SV2C: variants seen among roughly 807,000 people sequenced by gnomAD.
SV2C encodes solute carrier family 22 member B3.
In SV2C, 49 loss-of-function variants were observed where a neutral mutation model predicts 79.7. The observed-to-expected ratio is 0.61, with a 90% CI of 0.49 to 0.78. The LOEUF is 0.78. Ranked by LOEUF, SV2C falls within the 30% of genes least tolerant of loss-of-function variation. The pLI, the probability that SV2C is intolerant of heterozygous loss-of-function variation, is 0.00. For synonymous variants in SV2C, 334 were observed against 333.2 expected (o/e 1.00, Z -0.03); for missense variants, 833 against 912.9 (o/e 0.91, Z 1.13).
At chr5:75,938,241 T>G in the SV2C span, among the ~76,000 whole-genome samples, 4 of 152,350 alleles carry the variant, frequency 2.6e-5, no homozygotes, top group East Asian at 7.7e-4. Flanking sequence ...GTTATCTAAC[T>G]ACACTGTGGT....
chr5:76,075,663 C>T, the SV2C span: 2 of 311,144 alleles, frequency 6.4e-6, no homozygotes, highest in Admixed American at 4.0e-5. Context: ...TGGATGCAAC[C>T]TTGAATTAAC....
At chr5:75,882,071 A>G in the SV2C span, among the ~76,000 whole-genome samples, 1 of 144,650 alleles carries the variant, frequency 6.9e-6, no homozygotes, top group South Asian at 2.2e-4. Flanking sequence ...GGTTTTTGTC[A>G]TTGGTTCTGT....
the SV2C span, among the ~76,000 whole-genome samples, chr5:76,003,343 T>C: frequency 1.3e-5 from 2 of 152,100 alleles, no homozygotes; most frequent in Admixed American, 6.6e-5. Flanking sequence ...ATTTAATATA[T>C]TGTTTACATA....
At chr5:75,867,955 G>A in the SV2C span, among the ~76,000 whole-genome samples, 1 of 152,218 alleles carries the variant, frequency 6.6e-6, no homozygotes, top group Non-Finnish European at 1.5e-5. Context: ...TCTCAAGGGG[G>A]TGCATAGTCT....
intron 4 of SV2C, among the ~76,000 whole-genome samples, chr5:76,210,445 G>A (rs1348393458): frequency 1.3e-5 from 2 of 152,178 alleles, no homozygotes; most frequent in Non-Finnish European, 2.9e-5. Context: ...CCAGTTTATG[G>A]CAAAGGATAT....
At chr5:75,955,237 A>G in the SV2C span, among the ~76,000 whole-genome samples, 144,957 of 145,330 alleles carry the variant, frequency 1, 72,292 homozygotes, top group South Asian at 1. Context: ...CAGAAATAAC[A>G]CCGCATATCT....
At chr5:75,972,143 A>AT in the SV2C span, among the ~76,000 whole-genome samples, 1 of 152,150 alleles carries the variant, frequency 6.6e-6, no homozygotes, top group East Asian at 1.9e-4. Flanking sequence ...CTGAAACTGG[A>AT]TCCCTTCCTT....
chr5:76,304,178 C>T (rs749108307), intron 12 of SV2C, among the ~76,000 whole-genome samples: 6 of 152,206 alleles, frequency 3.9e-5, no homozygotes, highest in African/African-American at 7.2e-5. Flanking sequence ...TGCTGGCAGA[C>T]GCTCTCCAGC....
At chr5:76,253,593 C>T (rs6891813) in intron 4 of SV2C, among the ~76,000 whole-genome samples, 126,690 of 151,870 alleles carry the variant, frequency 0.83, 53,290 homozygotes, top group African/African-American at 0.94. Context: ...TCAGAATTCT[C>T]TGGGATTAGA....
intron 4 of SV2C, among the ~76,000 whole-genome samples, chr5:76,284,415 A>G (rs1747284499): frequency 6.6e-6 from 1 of 152,218 alleles, no homozygotes; most frequent in Non-Finnish European, 1.5e-5. Flanking sequence ...TCAGGGTGCC[A>G]GCAGGAAGCT....
intron 12 of SV2C, among the ~76,000 whole-genome samples, chr5:76,313,560 G>A (rs1748527877): frequency 6.6e-6 from 1 of 152,186 alleles, no homozygotes; most frequent in South Asian, 2.1e-4. Context: ...GAGCTCCAAG[G>A]AAGTCCATCT....
chr5:76,004,978 C>G, the SV2C span, among the ~76,000 whole-genome samples: 2 of 152,158 alleles, frequency 1.3e-5, no homozygotes, highest in South Asian at 2.1e-4. Context: ...TGAGCACGAC[C>G]TAAATCTCAT....
chr5:76,183,683 CCA>C (rs1439379103), intron 2 of SV2C, among the ~76,000 whole-genome samples: 1 of 152,140 alleles, frequency 6.6e-6, no homozygotes, highest in Non-Finnish European at 1.5e-5. Context: ...CCACTCTCCC[CCA>C]ACCCATGAAT....
chr5:76,306,590 C>T (rs918101558), intron 12 of SV2C, among the ~76,000 whole-genome samples: 30 of 152,134 alleles, frequency 2.0e-4, no homozygotes, highest in Non-Finnish European at 2.9e-5. Context: ...ATAAGCATGA[C>T]CTCAAAACCA....
intron 4 of SV2C, among the ~76,000 whole-genome samples, chr5:76,223,464 T>TAC (rs1241266753): frequency 1.8e-5 from 1 of 55,540 alleles, no homozygotes; most frequent in Non-Finnish European, 3.0e-5. Context: ...TATATATATA[T>TAC]ATATATATAT....
chr5:75,882,473 G>A, the SV2C span, among the ~76,000 whole-genome samples: 17,441 of 149,668 alleles, frequency 0.12, 1,136 homozygotes, highest in African/African-American at 0.2. Flanking sequence ...CAAAGCTGGA[G>A]GCATCATGCT....
the SV2C span, among the ~76,000 whole-genome samples, chr5:75,878,393 C>T: frequency 6.6e-6 from 1 of 152,082 alleles, no homozygotes; most frequent in Non-Finnish European, 1.5e-5. Flanking sequence ...AATCTGCTCA[C>T]CTATTTTATT....
intron 2 of SV2C, among the ~76,000 whole-genome samples, chr5:76,146,797 TAAAAAAAAAAA>T (rs34569063): frequency 1.0e-4 from 4 of 39,348 alleles, no homozygotes; most frequent in Non-Finnish European, 1.7e-4. Flanking sequence ...AGTTTTTTTT[TAAAAAAAAAAA>T]AAAAAAAAAA....
At chr5:76,353,114 A>AT in intron 12 of SV2C, 3 of 183,904 alleles carry the variant, frequency 1.6e-5, no homozygotes, top group Non-Finnish European at 2.8e-5. Flanking sequence ...CTAATTTTTT[A>AT]ATTTTTTTTT....
Sources: gnomAD v4.1 joint callset for allele counts (sites outside exome capture counted in the v4.1 genomes callset) on GRCh38, gnomAD v4.1.1 for gene constraint, MANE v1.5 for transcripts, NCBI Gene and HGNC (gene_info 2026-07-23, HGNC 2026-07-21) for gene names.